The following RAB28 variants were observed in gnomAD, a reference collection of about 807,000 sequenced individuals.
RAB28 encodes ras-related protein Rab-28.
Under a neutral mutation model 31.7 loss-of-function variants are expected in RAB28, and 24 were observed. The observed-to-expected ratio is 0.76, with a 90% CI of 0.55 to 1.06. RAB28 has a LOEUF of 1.06. Ranked by LOEUF, RAB28 falls within the 50% of genes least tolerant of loss-of-function variation. The probability of loss-of-function intolerance (pLI) is 0.00; values close to 1 mark genes in which losing one functional copy is unlikely to be tolerated. For synonymous variants in RAB28, 100 were observed against 90.4 expected (o/e 1.11, Z -0.60); for missense variants, 254 against 258.5 (o/e 0.98, Z 0.12).
intron 4 of RAB28, among the ~76,000 whole-genome samples, chr4:13,388,128 C>CA (rs1416205413): frequency 6.6e-6 from 1 of 151,926 alleles, no homozygotes; most frequent in Admixed American, 6.6e-5. Context: ...TCGGATACGC[C>CA]ATAAAAGCAA....
Position 13,404,929 on chromosome 4 carries a change from C to CT in RAB28, c.392-23336dup, listed in dbSNP as rs76156995. On this transcript the variant is annotated intron_variant, in intron 4 of 6. Coordinates refer to ENST00000330852, the MANE Select transcript of RAB28 (RefSeq NM_001017979.3). ...GTTAAGAAGGAACTGTCACTCTGTA[C>CT]TTTTTTTTTTTTTTTGGTTATTCCC... Among the ~76,000 whole-genome samples the CT allele has an allele frequency of 4.6e-3, 616 of 134,122 alleles. No homozygotes were observed. In the Middle Eastern group the frequency reaches 0.048, roughly 10 times the overall value. 88.0% of individuals were successfully genotyped at this position (134,122 alleles called of 152,430 possible).
rs377643894 is a variant in RAB28 at position 13,370,876 on chromosome 4, A to G, written c.574-2226T>C. ...AGAAACTATTTATTTTTACCTTGTT[A>G]TATTCTTAATTGCTGCTACCCTTAG... is the stretch of plus-strand genomic sequence containing the variant. On this transcript the variant is annotated intron_variant, in intron 6 of 6. Coordinates refer to ENST00000330852, the MANE Select transcript of RAB28 (RefSeq NM_001017979.3). 360 of 956,224 alleles carry G rather than the reference A, an allele frequency of 3.8e-4. 3 individuals are homozygous for G. The South Asian group carries it at 0.012, about 32-fold the overall frequency. 59.2% of individuals were successfully genotyped at this position (956,224 alleles called of 1,614,324 possible). A position where few individuals can be genotyped will look rare whatever the true frequency, so the allele number is the denominator to read the frequency against.
intron 4 of RAB28, among the ~76,000 whole-genome samples, chr4:13,436,069 T>C (rs979293902): frequency 6.6e-6 from 1 of 152,180 alleles, no homozygotes; most frequent in South Asian, 2.1e-4. Flanking sequence ...AATCAATAAA[T>C]GTGATTCACC....
intron 4 of RAB28, among the ~76,000 whole-genome samples, chr4:13,422,261 AGG>A (rs1326262384): frequency 6.6e-6 from 1 of 152,220 alleles, no homozygotes; most frequent in African/African-American, 2.4e-5. Context: ...GATGCTGGAG[AGG>A]ACGTGGAGAA....
chr4:13,420,440 CA>C (rs1360475843), intron 4 of RAB28, among the ~76,000 whole-genome samples: 2 of 152,122 alleles, frequency 1.3e-5, no homozygotes, highest in Admixed American at 6.5e-5. Context: ...CAAAGCCTGG[CA>C]GAGACACACA....
chr4:13,456,150 T>A (rs902141069), intron 4 of RAB28, among the ~76,000 whole-genome samples: 2 of 152,166 alleles, frequency 1.3e-5, no homozygotes, highest in African/African-American at 4.8e-5. Context: ...ACATAACAGA[T>A]TCTCAAAAAT....
rs1213957035 is a variant in RAB28 at position 13,484,038 on chromosome 4, C to T, written c.75+38G>A. On this transcript the variant is annotated intron_variant, in intron 1 of 6. Transcript: ENST00000330852. ...AGGAGGCCGGGGACCGCCGGGGTTCCTGCAGGCCTGGGACGGCGGGCCTGC... is the reference window on the plus strand; with the variant it reads ...AGGAGGCCGGGGACCGCCGGGGTTCTTGCAGGCCTGGGACGGCGGGCCTGC... 2.6e-6 allele frequency: 4 copies of T among 1,556,584 alleles called. No homozygotes were observed. In the South Asian group the frequency reaches 4.7e-5, roughly 18 times the overall value.
intron 4 of RAB28, among the ~76,000 whole-genome samples, chr4:13,383,825 G>A (rs1171200606): frequency 6.6e-6 from 1 of 152,178 alleles, no homozygotes; most frequent in Non-Finnish European, 1.5e-5. Flanking sequence ...GGAGATTTTA[G>A]CCCTAGGGGA....
At chr4:13,410,289 A>G (rs1712360405) in intron 4 of RAB28, among the ~76,000 whole-genome samples, 1 of 152,180 alleles carries the variant, frequency 6.6e-6, no homozygotes, top group Non-Finnish European at 1.5e-5. Flanking sequence ...TAAAGGAAGA[A>G]CAGCTGGATA....
chr4:13,427,236 T>C (rs374737744), intron 4 of RAB28, among the ~76,000 whole-genome samples: 1 of 152,226 alleles, frequency 6.6e-6, no homozygotes, highest in East Asian at 1.9e-4. Flanking sequence ...TATAAAATAT[T>C]TGAAGACTTA....
At chr4:13,424,224 C>A (rs73819849) in intron 4 of RAB28, among the ~76,000 whole-genome samples, 8,548 of 152,192 alleles carry the variant, frequency 0.056, 551 homozygotes, top group African/African-American at 0.16. Context: ...GTGGCTTAAA[C>A]CAACAGAAAT....
chr4:13,472,033 T>A (rs961276101), intron 3 of RAB28, among the ~76,000 whole-genome samples: 1 of 152,132 alleles, frequency 6.6e-6, no homozygotes, highest in Non-Finnish European at 1.5e-5. Context: ...TAATGTCTGC[T>A]TACTGTAGGC....
chr4:13,385,524 GA>G (rs1208514226), intron 4 of RAB28, among the ~76,000 whole-genome samples: 3 of 152,130 alleles, frequency 2.0e-5, no homozygotes, highest in African/African-American at 4.8e-5. Flanking sequence ...CTAAAGGCCA[GA>G]AGGGTTAATA....
chr4:13,427,550 T>C (rs565724826), intron 4 of RAB28, among the ~76,000 whole-genome samples: 36 of 152,156 alleles, frequency 2.4e-4, no homozygotes, highest in African/African-American at 6.5e-4. Flanking sequence ...TGGAAACACA[T>C]GGGATTGTGC....
At chr4:13,452,521 C>G (rs1329901707) in intron 4 of RAB28, among the ~76,000 whole-genome samples, 2 of 151,920 alleles carry the variant, frequency 1.3e-5, no homozygotes, top group East Asian at 3.8e-4. Context: ...AATTTATTCC[C>G]TCACCCACTG....
intron 4 of RAB28, among the ~76,000 whole-genome samples, chr4:13,400,905 C>T (rs1220623011): frequency 6.6e-6 from 1 of 152,114 alleles, no homozygotes; most frequent in African/African-American, 2.4e-5. Flanking sequence ...ACTGCATTTC[C>T]AGGATAAACT....
chr4:13,407,803 T>C (rs1301930927), intron 4 of RAB28, among the ~76,000 whole-genome samples: 3 of 152,216 alleles, frequency 2.0e-5, no homozygotes, highest in Non-Finnish European at 2.9e-5. Context: ...CACTCATGAT[T>C]TGGCTCTCTG....
chr4:13,404,655 A>G (rs942499825), intron 4 of RAB28, among the ~76,000 whole-genome samples: 1 of 152,160 alleles, frequency 6.6e-6, no homozygotes, highest in Non-Finnish European at 1.5e-5. Context: ...ATTGCAAAGA[A>G]TTCAGTTCAT....
chr4:13,410,072 A>C (rs1712343282), intron 4 of RAB28, among the ~76,000 whole-genome samples: 1 of 152,056 alleles, frequency 6.6e-6, no homozygotes, highest in Non-Finnish European at 1.5e-5. Context: ...CTGCCATGTG[A>C]AGACATGCTT....
Sources: gnomAD v4.1 joint callset for allele counts (sites outside exome capture counted in the v4.1 genomes callset) on GRCh38, gnomAD v4.1.1 for gene constraint, MANE v1.5 for transcripts, NCBI Gene and HGNC (gene_info 2026-07-23, HGNC 2026-07-21) for gene names.